PRUNE2: variants seen among roughly 807,000 people sequenced by gnomAD.
PRUNE2 encodes the protein protein prune homolog 2.
PRUNE2 carries 164 observed loss-of-function variants against 252.0 expected under a neutral mutation model. The observed-to-expected ratio is 0.65, with a 90% confidence interval of 0.57 to 0.74. PRUNE2 has a LOEUF of 0.74. Among genes scored for constraint, PRUNE2 ranks in the 30% least tolerant of loss-of-function variants. The probability of loss-of-function intolerance (pLI) is 0.00; values close to 1 mark genes in which losing one functional copy is unlikely to be tolerated. For synonymous variants in PRUNE2, 1,292 were observed against 1,350.2 expected (o/e 0.96, Z 0.94); for missense variants, 3,495 against 3,711.0 (o/e 0.94, Z 1.51).
At chr9:76,779,136 C>A (rs2131150483) in intron 6 of PRUNE2, among the ~76,000 whole-genome samples, 1 of 151,848 alleles carries the variant, frequency 6.6e-6, no homozygotes, top group African/African-American at 2.4e-5. Flanking sequence ...AATGTAGACG[C>A]AAATTTTCTG....
At chr9:76,629,118 C>T in intron 16 of PRUNE2, 74 bp downstream of exon 16, 1 of 869,998 alleles carries the variant, frequency 1.1e-6, no homozygotes, top group South Asian at 1.6e-5. Flanking sequence ...GCTAGGATTA[C>T]AGGCGTGAGC....
intron 6 of PRUNE2, chr9:76,784,260 T>G (rs1274967887): frequency 6.6e-6 from 1 of 152,206 alleles, no homozygotes; most frequent in Non-Finnish European, 1.5e-5. Flanking sequence ...CTGTTGTGGA[T>G]ATTTATTTGA....
At chr9:76,813,155 T>C (rs2057468391) in intron 6 of PRUNE2, among the ~76,000 whole-genome samples, 1 of 152,192 alleles carries the variant, frequency 6.6e-6, no homozygotes, top group African/African-American at 2.4e-5. Flanking sequence ...GCATTTACGC[T>C]ATGGAAATTG....
At position 76,708,021 on chromosome 9, in the gene PRUNE2, C is replaced by T; in HGVS notation, c.4253G>A (p.Gly1418Glu). The change falls in exon 8 of 19, where the codon GGG becomes GAG. Residue 1418 changes from glycine to glutamate, a missense_variant. By Grantham distance (98) the Gly-to-Glu change is moderately conservative. Coordinates refer to ENST00000376718, the MANE Select transcript of PRUNE2 (RefSeq NM_015225.3). ...YNLDSRDVQT[G>E]MSADNLQPKD... ...TGGCTGCAGGTTATCTGCGGACATC[C>T]CTGTTTGCACATCACGGGAGTCTAG... is the stretch of plus-strand genomic sequence containing the variant. 3.1e-6 allele frequency: 5 copies of T among 1,613,914 alleles called. No individual in the cohort carries two copies. The highest frequency in any genetic ancestry group is 4.2e-6 in the Non-Finnish European group (5 of 1,179,852).
intron 9 of PRUNE2, among the ~76,000 whole-genome samples, chr9:76,691,519 A>G (rs954032055): frequency 9.2e-5 from 14 of 152,206 alleles, no homozygotes; most frequent in Admixed American, 9.2e-4. Context: ...ACATAAGCCC[A>G]TGTTTGAGGA....
At chr9:76,807,020 A>ATGTGTGTGTGTGTG (rs1554779764) in intron 6 of PRUNE2, among the ~76,000 whole-genome samples, 285 of 140,494 alleles carry the variant, frequency 2.0e-3, no homozygotes, top group African/African-American at 7.0e-3. Context: ...ACCTCATACA[A>ATGTGTGTGTGTGTG]TGTGTGTGTG....
At chr9:76,654,821 T>C (rs962169522) in intron 10 of PRUNE2, among the ~76,000 whole-genome samples, 3 of 152,214 alleles carry the variant, frequency 2.0e-5, no homozygotes, top group Non-Finnish European at 4.4e-5. Flanking sequence ...GCCTTCCTTC[T>C]TCCTACCACA....
At chr9:76,728,542 T>C (rs1433211940) in intron 6 of PRUNE2, among the ~76,000 whole-genome samples, 2 of 152,242 alleles carry the variant, frequency 1.3e-5, no homozygotes, top group Non-Finnish European at 2.9e-5. Context: ...ACATAGTTTC[T>C]ACATCAGTGA....
intron 9 of PRUNE2, among the ~76,000 whole-genome samples, chr9:76,658,636 A>G (rs1444161496): frequency 1.3e-5 from 2 of 152,168 alleles, no homozygotes; most frequent in Non-Finnish European, 2.9e-5. Flanking sequence ...AAAGGTCTGT[A>G]TTTTACTTTA....
chr9:76,773,933 T>C (rs2053410079), intron 6 of PRUNE2, among the ~76,000 whole-genome samples: 1 of 152,114 alleles, frequency 6.6e-6, no homozygotes, highest in Admixed American at 6.6e-5. Flanking sequence ...ATGAGACTCC[T>C]TTATAAAGAG....
At chr9:76,859,747 T>C (rs1289527359) in intron 1 of PRUNE2, among the ~76,000 whole-genome samples, 9 of 152,142 alleles carry the variant, frequency 5.9e-5, no homozygotes, top group Non-Finnish European at 8.8e-5. Context: ...TCACTCTTGT[T>C]GCCTAGGCTG....
At chr9:76,884,146 G>A (rs1174805289) in intron 1 of PRUNE2, among the ~76,000 whole-genome samples, 1 of 152,090 alleles carries the variant, frequency 6.6e-6, no homozygotes, top group Admixed American at 6.6e-5. Flanking sequence ...GGTTTATCCT[G>A]CTGAAAGGCT....
intron 6 of PRUNE2, among the ~76,000 whole-genome samples, chr9:76,754,843 G>A (rs1372984422): frequency 6.6e-6 from 1 of 151,612 alleles, no homozygotes; most frequent in Non-Finnish European, 1.5e-5. Context: ...GCACACTGCT[G>A]TAGTCCCAGC....
intron 17 of PRUNE2, among the ~76,000 whole-genome samples, chr9:76,622,592 T>C (rs892219853): frequency 2.6e-5 from 4 of 152,138 alleles, no homozygotes; most frequent in Admixed American, 2.6e-4. Flanking sequence ...ACTGAAAAAA[T>C]CTGAAAGAGA....
In PRUNE2 at chr9:76,710,848, C is replaced by T. The variant is rs1405872618; in HGVS notation, c.1426G>A (p.Ala476Thr). ...GACCATGCATGTTCCTCCGCCACCG[C>T]CCCTTCAGGGATGGGGCTGTAGGAG... ...LDSYSPIPEG[A>T]VAEEHAWSGE... is the part of the protein sequence containing the mutation. Residue 476 changes from alanine (A) to threonine (T), a missense_variant, in exon 8 of 19, where the codon GCG becomes ACG. By Grantham distance (58) the Ala-to-Thr change is moderately conservative (BLOSUM62 0). Coordinates refer to ENST00000376718, the MANE Select transcript of PRUNE2 (RefSeq NM_015225.3). 3.2e-6 allele frequency: 5 copies of T among 1,543,820 alleles called. No individual in the cohort carries two copies. In the East Asian group the frequency reaches 6.8e-5, roughly 21 times the overall value.
At chr9:76,653,304 GACCCCT>G (rs1848089418) in intron 10 of PRUNE2, among the ~76,000 whole-genome samples, 2 of 152,102 alleles carry the variant, frequency 1.3e-5, no homozygotes, top group South Asian at 4.1e-4. Flanking sequence ...TTGATTCCAG[GACCCCT>G]GGTGGAAACT....
intron 9 of PRUNE2, among the ~76,000 whole-genome samples, chr9:76,682,951 T>C (rs1167648982): frequency 6.6e-6 from 1 of 152,228 alleles, no homozygotes; most frequent in Non-Finnish European, 1.5e-5. Flanking sequence ...TACTTTTAAT[T>C]GACCTCTCTT....
chr9:76,810,611 A>G (rs2057292990), intron 6 of PRUNE2, among the ~76,000 whole-genome samples: 1 of 152,218 alleles, frequency 6.6e-6, no homozygotes, highest in Non-Finnish European at 1.5e-5. Context: ...CTTAGCAATC[A>G]TGTCAATTAA....
chr9:76,727,110 T>C (rs1259172654), intron 6 of PRUNE2, among the ~76,000 whole-genome samples: 4 of 152,210 alleles, frequency 2.6e-5, no homozygotes, highest in African/African-American at 9.7e-5. Context: ...TTGTACCTTA[T>C]AGGGTGTTTA....
Sources: gnomAD v4.1 joint callset for allele counts (sites outside exome capture counted in the v4.1 genomes callset) on GRCh38, gnomAD v4.1.1 for gene constraint, MANE v1.5 for transcripts, NCBI Gene and HGNC (gene_info 2026-07-23, HGNC 2026-07-21) for gene names.